The following BCO1 variants were observed in gnomAD, a reference collection of about 807,000 sequenced individuals.
BCO1 encodes beta,beta-carotene 15,15'-dioxygenase.
Under a neutral mutation model 56.3 loss-of-function variants are expected in BCO1, and 54 were observed. That is an observed-to-expected ratio of 0.96 (90% CI 0.77 to 1.20). The LOEUF is 1.20. Among genes scored for constraint, BCO1 ranks in the 50% most tolerant of loss-of-function variants. The pLI is 0.00. For missense variants in BCO1, 801 were observed against 690.9 expected, an observed-to-expected ratio of 1.16 and a Z score of -1.79; for synonymous variants, 318 against 266.1, an observed-to-expected ratio of 1.20 and a Z score of -1.90.
At chr16:81,246,870 A>AAAAAAAAAAAAAAAG (rs1905456252) in intron 2 of BCO1, among the ~76,000 whole-genome samples, 1 of 148,590 alleles carries the variant, frequency 6.7e-6, no homozygotes, top group Non-Finnish European at 1.5e-5. Context: ...AAAAAAAAAG[A>AAAAAAAAAAAAAAAG]AGAGTACAGA....
At chr16:81,257,059 C>T (rs2151934025) in intron 2 of BCO1, among the ~76,000 whole-genome samples, 1 of 152,260 alleles carries the variant, frequency 6.6e-6, no homozygotes, top group East Asian at 1.9e-4. Flanking sequence ...CCTTTGCTTA[C>T]AGACCTCTTA....
intron 1 of BCO1, among the ~76,000 whole-genome samples, chr16:81,241,026 G>A (rs1277780782): frequency 6.6e-6 from 1 of 151,886 alleles, no homozygotes; most frequent in Non-Finnish European, 1.5e-5. Flanking sequence ...CTGAAACAGG[G>A]TATCTCCATG....
intron 2 of BCO1, among the ~76,000 whole-genome samples, chr16:81,246,444 G>C (rs1905422132): frequency 6.6e-6 from 1 of 152,104 alleles, no homozygotes; most frequent in Admixed American, 6.6e-5. Flanking sequence ...AGGAGGCCAA[G>C]GTTCTTTTTC....
intron 4 of BCO1, chr16:81,263,518 C>G (rs1055726413): frequency 2.0e-5 from 3 of 152,186 alleles, no homozygotes; most frequent in Non-Finnish European, 2.9e-5. Flanking sequence ...CACAGGTACC[C>G]AAGGTGAGGA....
rs546566864 is a variant in BCO1 at position 81,249,092 on chromosome 16, C to CTTTTT, written c.193+3501_193+3505dup. Among the ~76,000 whole-genome samples the CTTTTT allele has an allele frequency of 1.1e-4, 15 of 133,442 alleles. 1 individual carries two copies. The highest frequency in any genetic ancestry group is 2.3e-4 in the South Asian group (1 of 4,276). The allele number at this position is 133,442 out of a possible 152,430, so 87.5% of individuals were successfully genotyped here. On this transcript the variant is annotated intron_variant, in intron 2 of 10. Coordinates refer to ENST00000258168, the MANE Select transcript of BCO1 (RefSeq NM_017429.3). ...CAGCTCCTCCATGGTCTCTTTCTTT[C>CTTTTT]TTTTTTTTTTTTTTTTGAGATGGAG...
Position 81,266,701 on chromosome 16 carries a change from T to A in BCO1, c.620-1207T>A, listed in dbSNP as rs566722134. ...GAGGAGGACTGTGAGGCTCAGGGGA[T>A]CAGATGACACACCCCAGTCACACAG... On this transcript the variant is annotated intron_variant, in intron 5 of 10. Coordinates refer to ENST00000258168, the MANE Select transcript of BCO1 (RefSeq NM_017429.3). 2.0e-5 allele frequency among the ~76,000 whole-genome samples: 3 copies of A among 152,168 alleles called. No individual in the cohort carries two copies. In the East Asian group the frequency reaches 5.8e-4, roughly 29 times the overall value.
At chr16:81,267,811 T>A in intron 5 of BCO1, 97 bp from the exon 6 acceptor site, 1 of 1,055,462 alleles carries the variant, frequency 9.5e-7, no homozygotes, top group Non-Finnish European at 1.4e-6. Flanking sequence ...AAAGGTTTTT[T>A]TCAGCAATCA....
chr16:81,242,736 G>A (rs1159435893), intron 1 of BCO1, among the ~76,000 whole-genome samples: 5 of 152,030 alleles, frequency 3.3e-5, no homozygotes, highest in Non-Finnish European at 7.4e-5. Context: ...TTATAACAGG[G>A]GTCCCCGACC....
At chr16:81,251,279 C>G (rs918566854) in intron 2 of BCO1, among the ~76,000 whole-genome samples, 14 of 151,976 alleles carry the variant, frequency 9.2e-5, no homozygotes, top group Non-Finnish European at 4.4e-5. Flanking sequence ...CAAAGAGGGA[C>G]CAGAGGTTGT....
At chr16:81,244,315 A>G (rs1443007307) in intron 1 of BCO1, among the ~76,000 whole-genome samples, 1 of 152,248 alleles carries the variant, frequency 6.6e-6, no homozygotes, top group Non-Finnish European at 1.5e-5. Context: ...GAAACATTGA[A>G]AAAAGTCAAA....
Position 81,280,978 on chromosome 16 carries a change from T to C in BCO1, c.1207+16T>C. On this transcript the variant is annotated intron_variant, in intron 8 of 10. Coordinates refer to ENST00000258168, the MANE Select transcript of BCO1 (RefSeq NM_017429.3). The stretch of plus-strand genomic sequence containing the variant: ...CTTTATGAAGGTAAAATGCATCCTC[T>C]TGTCCTGAGTTTAGGAAAGGGGCAG... 6.3e-7 allele frequency: 1 copy of C among 1,583,958 alleles called. No homozygotes were observed. Among genetic ancestry groups the C allele is most frequent in the Non-Finnish European group, 8.7e-7 (1 of 1,152,980 alleles).
chr16:81,241,242 G>A, intron 1 of BCO1, among the ~76,000 whole-genome samples: 1 of 152,038 alleles, frequency 6.6e-6, no homozygotes, highest in Non-Finnish European at 1.5e-5. Flanking sequence ...GAACCCAGGA[G>A]GCAGAGGTTG....
intron 8 of BCO1, among the ~76,000 whole-genome samples, chr16:81,282,200 G>A (rs1259689281): frequency 1.3e-5 from 2 of 152,080 alleles, no homozygotes; most frequent in Admixed American, 6.5e-5. Context: ...CCAACATGGC[G>A]AAAACACATC....
chr16:81,274,117 G>A (rs1026546008), intron 7 of BCO1, among the ~76,000 whole-genome samples: 4 of 152,106 alleles, frequency 2.6e-5, no homozygotes, highest in African/African-American at 9.7e-5. Flanking sequence ...AAGTCTCAAG[G>A]CTGACCTCAG....
intron 2 of BCO1, among the ~76,000 whole-genome samples, chr16:81,255,803 C>CCTTT (rs985592047): frequency 3.3e-5 from 5 of 151,188 alleles, no homozygotes; most frequent in African/African-American, 1.2e-4. Flanking sequence ...CCATGCCCAG[C>CCTTT]CTTTCTTTCT....
At chr16:81,259,495 AT>A (rs1906348593) in intron 2 of BCO1, among the ~76,000 whole-genome samples, 180 bp from the exon 3 acceptor site, 1 of 152,186 alleles carries the variant, frequency 6.6e-6, no homozygotes, top group Non-Finnish European at 1.5e-5. Flanking sequence ...ACTCAAAAAA[AT>A]AATAATAATA....
intron 2 of BCO1, among the ~76,000 whole-genome samples, chr16:81,245,841 A>C (rs985952245): frequency 1.5e-5 from 2 of 134,442 alleles, no homozygotes; most frequent in Admixed American, 8.2e-5. Flanking sequence ...TTGTGGCTCC[A>C]TCTCTGTCTT....
Position 81,245,482 on chromosome 16 carries a change from T to G in BCO1, c.72T>G (p.Ile24Met). ...EPVRAKVTGK[I>M]PAWLQGTLLR... Reference sequence around the variant, plus strand: ...CATTCTCTCTTTTCTCAGGCAAGATTCCAGCATGGCTGCAGGGAACCCTGC... The same window carrying G: ...CATTCTCTCTTTTCTCAGGCAAGATGCCAGCATGGCTGCAGGGAACCCTGC... Residue 24 changes from isoleucine (I) to methionine (M), a missense_variant, in exon 2 of 11, where the codon ATT becomes ATG. Coordinates refer to ENST00000258168, the MANE Select transcript of BCO1 (RefSeq NM_017429.3). 1 of 1,614,204 alleles carries G rather than the reference T, an allele frequency of 6.2e-7. No homozygotes were observed. The highest frequency in any genetic ancestry group is 8.5e-7 in the Non-Finnish European group (1 of 1,180,044).
At chr16:81,241,504 C>T (rs73599330) in intron 1 of BCO1, among the ~76,000 whole-genome samples, 8,767 of 152,274 alleles carry the variant, frequency 0.058, 515 homozygotes, top group African/African-American at 0.15. Flanking sequence ...CCCGGACCTG[C>T]AGCATAAGCA....
Sources: allele counts gnomAD v4.1 joint callset (sites outside exome capture counted in the v4.1 genomes callset), GRCh38; gene constraint gnomAD v4.1.1; transcripts MANE v1.5; gene names NCBI Gene and HGNC (gene_info 2026-07-23, HGNC 2026-07-21).